PCSK5: variants seen among roughly 807,000 people sequenced by gnomAD.
PCSK5 encodes the protein proprotein convertase subtilisin/kexin type 5, also known as prohormone convertase 5.
Under a neutral mutation model 233.2 loss-of-function variants are expected in PCSK5, and 129 were observed. That is an observed-to-expected ratio of 0.55 (90% CI 0.48 to 0.64). PCSK5 has a LOEUF of 0.64. Ranked by LOEUF, PCSK5 falls within the 30% of genes least tolerant of loss-of-function variation. The pLI, the probability that PCSK5 is intolerant of heterozygous loss-of-function variation, is 0.00. For synonymous variants in PCSK5, 825 were observed against 879.2 expected, an observed-to-expected ratio of 0.94 and a Z score of 1.09; for missense variants, 2,076 against 2,430.1, an observed-to-expected ratio of 0.85 and a Z score of 3.06.
chr9:76,238,023 C>T (rs1826304608), intron 22 of PCSK5, among the ~76,000 whole-genome samples: 1 of 152,104 alleles, frequency 6.6e-6, no homozygotes, highest in Non-Finnish European at 1.5e-5. Flanking sequence ...TGGTAGATCA[C>T]ATGACGAATG....
At chr9:75,929,949 G>A (rs1049324899) in intron 1 of PCSK5, among the ~76,000 whole-genome samples, 5 of 148,454 alleles carry the variant, frequency 3.4e-5, no homozygotes, top group African/African-American at 1.2e-4. Flanking sequence ...TGCAACCTCC[G>A]CCTCCCAGAT....
Position 76,134,112 on chromosome 9 carries a change from G to A in PCSK5, c.1212G>A (p.Pro404=), listed in dbSNP as rs543466155. The change falls in exon 10 of 38, where the codon CCG becomes CCA. Residue 404 remains proline (P), a synonymous_variant. Transcript: ENST00000674117. The part of the protein sequence containing the change: ...GIIALALEAN[P]FLTWRDVQHV... ...TTCTTACCTTGTCTTTCCCCAGTCC[G>A]TTTCTGACCTGGAGAGACGTACAGC... The A allele has an allele frequency of 1.3e-5, 20 of 1,577,546 alleles. No homozygotes were observed. The highest frequency in any genetic ancestry group is 8.0e-5 in the South Asian group (7 of 87,034).
At chr9:76,062,949 C>A (rs1232410827) in intron 5 of PCSK5, among the ~76,000 whole-genome samples, 1 of 152,078 alleles carries the variant, frequency 6.6e-6, no homozygotes, top group South Asian at 2.1e-4. Flanking sequence ...CCTCATCCCC[C>A]ACACAGTCCT....
chr9:76,296,560 C>A, intron 26 of PCSK5, 105 bp from the exon 27 acceptor site: 3 of 701,592 alleles, frequency 4.3e-6, no homozygotes, highest in South Asian at 1.8e-5. Flanking sequence ...ATAATAAAAA[C>A]AAATGCAAAG....
At chr9:76,350,323 T>TA (rs1454176459) in intron 35 of PCSK5, among the ~76,000 whole-genome samples, 2 of 139,308 alleles carry the variant, frequency 1.4e-5, no homozygotes, top group Non-Finnish European at 3.2e-5. Context: ...TTCAAAGAAA[T>TA]GTATCACCAT....
chr9:76,319,341 ATAGT>A (rs56066016), intron 30 of PCSK5, among the ~76,000 whole-genome samples: 34,030 of 150,222 alleles, frequency 0.23, 4,360 homozygotes, highest in African/African-American at 0.37. Flanking sequence ...AATAAAGAAA[ATAGT>A]TAGAATAAGA....
At chr9:76,211,855 A>G (rs551621498) in intron 20 of PCSK5, among the ~76,000 whole-genome samples, 2 of 152,230 alleles carry the variant, frequency 1.3e-5, no homozygotes, top group South Asian at 4.2e-4. Flanking sequence ...CTCAAAAAAA[A>G]AATCAAAGTC....
At chr9:75,934,072 C>T (rs1823937210) in intron 2 of PCSK5, among the ~76,000 whole-genome samples, 1 of 152,158 alleles carries the variant, frequency 6.6e-6, no homozygotes, top group African/African-American at 2.4e-5. Context: ...TTCTTCTTAT[C>T]TCAGTGCATC....
intron 20 of PCSK5, among the ~76,000 whole-genome samples, chr9:76,206,881 C>T (rs1825136928): frequency 1.3e-5 from 2 of 152,126 alleles, no homozygotes; most frequent in African/African-American, 2.4e-5. Context: ...CATATTTATT[C>T]CCTCACACTT....
intron 5 of PCSK5, among the ~76,000 whole-genome samples, chr9:76,028,735 T>C (rs572643690): frequency 1.1e-4 from 16 of 152,264 alleles, no homozygotes; most frequent in Non-Finnish European, 2.1e-4. Context: ...AGCTAATTGT[T>C]AGTCCTGCAA....
chr9:76,129,316 C>T (rs1822660854), intron 9 of PCSK5, among the ~76,000 whole-genome samples: 1 of 152,136 alleles, frequency 6.6e-6, no homozygotes, highest in Non-Finnish European at 1.5e-5. Flanking sequence ...TGGTTTTGAA[C>T]GTTTAGGAAG....
rs766433292 is a variant in PCSK5 at position 76,358,762 on chromosome 9, T to C, written c.5504T>C (p.Ile1835Thr). ...ESTSFEEDQV[I>T]EYRDRDYDED... is the part of the protein sequence containing the mutation. The stretch of plus-strand genomic sequence containing the variant: ...ACCAGCTTTGAAGAGGATCAGGTGA[T>C]TGAGTACAGGGATCGGGACTATGAT... Residue 1835 changes from isoleucine to threonine, a missense_variant, in exon 38 of 38, where the codon ATT (isoleucine) becomes ACT (threonine). By Grantham distance (89) the Ile-to-Thr change is moderately conservative. Transcript: ENST00000674117. The C allele has an allele frequency of 2.5e-6, 4 of 1,612,884 alleles. No individual in the cohort carries two copies. In the Middle Eastern group the frequency reaches 4.9e-4, roughly 200 times the overall value.
At chr9:76,169,939 C>A in intron 13 of PCSK5, 99 bp downstream of exon 13, 2 of 929,964 alleles carry the variant, frequency 2.2e-6, no homozygotes. Flanking sequence ...AGCATCTTTT[C>A]TCATGTGGTT....
chr9:76,177,609 T>G (rs147586303), intron 14 of PCSK5, among the ~76,000 whole-genome samples: 1 of 152,358 alleles, frequency 6.6e-6, no homozygotes, highest in African/African-American at 2.4e-5. Flanking sequence ...AGCAAACTAT[T>G]TTGTCTTCTC....
At chr9:76,132,136 G>C (rs1267843809) in intron 9 of PCSK5, among the ~76,000 whole-genome samples, 2 of 151,986 alleles carry the variant, frequency 1.3e-5, no homozygotes, top group African/African-American at 4.8e-5. Flanking sequence ...TGGCATTCAG[G>C]ATTATCCCTT....
intron 20 of PCSK5, among the ~76,000 whole-genome samples, chr9:76,208,930 C>G (rs1268956306): frequency 6.6e-6 from 1 of 152,208 alleles, no homozygotes; most frequent in Non-Finnish European, 1.5e-5. Context: ...GCACCCCTCT[C>G]TAATATATTT....
intron 35 of PCSK5, among the ~76,000 whole-genome samples, chr9:76,346,172 A>C (rs989398471): frequency 6.6e-6 from 1 of 152,102 alleles, no homozygotes; most frequent in African/African-American, 2.4e-5. Flanking sequence ...ATTTTTGCCA[A>C]CTTTGTCAAA....
intron 16 of PCSK5, 78 bp from the exon 17 acceptor site, chr9:76,184,595 C>A: frequency 2.3e-6 from 2 of 871,364 alleles, no homozygotes; most frequent in South Asian, 1.5e-5. Flanking sequence ...CATACATTAG[C>A]AAGCATTAGA....
At chr9:76,345,593 T>A (rs527645036) in intron 35 of PCSK5, among the ~76,000 whole-genome samples, 290 of 150,994 alleles carry the variant, frequency 1.9e-3, no homozygotes, top group Middle Eastern at 0.017. Flanking sequence ...TAATTTTTTT[T>A]AAATATTTTT....
Sources: gnomAD v4.1 joint callset for allele counts (sites outside exome capture counted in the v4.1 genomes callset) on GRCh38, gnomAD v4.1.1 for gene constraint, MANE v1.5 for transcripts, NCBI Gene and HGNC (gene_info 2026-07-23, HGNC 2026-07-21) for gene names.